Variants in MAN2A1 observed in about 807,000 individuals in gnomAD.
MAN2A1 encodes mannosidase alpha class 2A member 1.
In MAN2A1, 76 loss-of-function variants were observed where a neutral mutation model predicts 142.6. That is an observed-to-expected ratio of 0.53 (90% CI 0.44 to 0.65). The LOEUF is 0.65. MAN2A1 is among the 30% of genes least tolerant of loss of function. The pLI, the probability that MAN2A1 is intolerant of heterozygous loss-of-function variation, is 0.00. For missense variants in MAN2A1, 1,311 were observed against 1,365.1 expected, an observed-to-expected ratio of 0.96 and a Z score of 0.62; for synonymous variants, 559 against 473.2, an observed-to-expected ratio of 1.18 and a Z score of -2.35.
intron 18 of MAN2A1, among the ~76,000 whole-genome samples, chr5:109,846,620 A>G (rs1755350588): frequency 6.6e-6 from 1 of 152,200 alleles, no homozygotes; most frequent in Non-Finnish European, 1.5e-5. Flanking sequence ...TTAATTGGTT[A>G]TCATACATGG....
intron 3 of MAN2A1, among the ~76,000 whole-genome samples, chr5:109,726,127 G>T (rs1026918699): frequency 1.3e-5 from 2 of 152,030 alleles, no homozygotes; most frequent in African/African-American, 4.8e-5. Context: ...CCAACAGAAA[G>T]AAAAAAAGCT....
chr5:109,698,962 T>C (rs1328687396), intron 1 of MAN2A1, among the ~76,000 whole-genome samples: 2 of 152,182 alleles, frequency 1.3e-5, no homozygotes, highest in East Asian at 3.8e-4. Flanking sequence ...CATATACCTC[T>C]GTTTTGATTT....
Position 109,845,912 on chromosome 5 carries a change from C to G in MAN2A1, c.2748C>G (p.Val916=), listed in dbSNP as rs1580312277. 1 of 1,613,708 alleles carries G rather than the reference C, an allele frequency of 6.2e-7. No homozygotes were observed. Among genetic ancestry groups the G allele is most frequent in the Non-Finnish European group, 8.5e-7 (1 of 1,179,706 alleles). ...TLSKLPLQAN[V]YPMTTMAYIQ... ...GCAAATTGCCTCTTCAAGCAAATGTCTATCCCATGACCACAATGGCCTATA... is the reference window on the plus strand; with the variant it reads ...GCAAATTGCCTCTTCAAGCAAATGTGTATCCCATGACCACAATGGCCTATA... Residue 916 remains valine, a synonymous_variant, in exon 18 of 22, where the codon GTC becomes GTG. Transcript: ENST00000261483.
chr5:109,785,718 C>A (rs1753579101), intron 10 of MAN2A1, among the ~76,000 whole-genome samples: 1 of 152,006 alleles, frequency 6.6e-6, no homozygotes, highest in Admixed American at 6.6e-5. Context: ...AGGATCAGTG[C>A]AGGGGGCATT....
intron 10 of MAN2A1, among the ~76,000 whole-genome samples, chr5:109,788,249 C>A (rs1234783179): frequency 1.3e-5 from 2 of 149,656 alleles, no homozygotes; most frequent in Non-Finnish European, 3.0e-5. Context: ...CAAGCAAGTT[C>A]TTTTTCCATG....
At chr5:109,715,974 A>G (rs1751441199) in intron 2 of MAN2A1, 146 bp from the exon 3 acceptor site, 2 of 487,812 alleles carry the variant, frequency 4.1e-6, no homozygotes, top group East Asian at 3.4e-5. Flanking sequence ...AATATTTTCT[A>G]CTCTAAACTC....
At chr5:109,837,091 T>A (rs1486388581) in intron 16 of MAN2A1, among the ~76,000 whole-genome samples, 1 of 148,110 alleles carries the variant, frequency 6.8e-6, no homozygotes, top group African/African-American at 2.5e-5. Flanking sequence ...TGTCTTCCCA[T>A]TTTTTTGTTC....
intron 16 of MAN2A1, among the ~76,000 whole-genome samples, chr5:109,838,486 T>C (rs769411167): frequency 3.9e-5 from 6 of 152,206 alleles, no homozygotes; most frequent in Non-Finnish European, 8.8e-5. Context: ...CACTGGATAC[T>C]GCTGGTTTGC....
At position 109,710,733 on chromosome 5, in the gene MAN2A1, G is replaced by A. The variant is rs76172508; in HGVS notation, c.136-2787G>A. Among the ~76,000 whole-genome samples the A allele has an allele frequency of 5.5e-4, 83 of 151,184 alleles. No individual in the cohort carries two copies. The East Asian group carries it at 0.013, about 24-fold the overall frequency. Reference sequence around the variant, plus strand: ...GAGACCAAGTTTCGCTCTTGTTGCCGAGCCTGGGGTGCAATGGTGCGATCT... The same window carrying A: ...GAGACCAAGTTTCGCTCTTGTTGCCAAGCCTGGGGTGCAATGGTGCGATCT... On this transcript the variant is annotated intron_variant, in intron 1 of 21. Coordinates refer to ENST00000261483, the MANE Select transcript of MAN2A1 (RefSeq NM_002372.4).
At chr5:109,861,649 GAGATATGAT>G (rs1351059278) in intron 20 of MAN2A1, among the ~76,000 whole-genome samples, 2 of 152,188 alleles carry the variant, frequency 1.3e-5, no homozygotes, top group Admixed American at 1.3e-4. Context: ...AACTGACCTA[GAGATATGAT>G]AGATAACTGT....
intron 3 of MAN2A1, among the ~76,000 whole-genome samples, chr5:109,722,106 T>C (rs1751620626): frequency 6.6e-6 from 1 of 152,210 alleles, no homozygotes; most frequent in Non-Finnish European, 1.5e-5. Context: ...TATTGCGTTT[T>C]TTGGATAATT....
At chr5:109,847,915 A>T in intron 19 of MAN2A1, 125 bp downstream of exon 19, 1 of 581,994 alleles carries the variant, frequency 1.7e-6, no homozygotes, top group East Asian at 3.5e-5. Flanking sequence ...TTTATAGTAG[A>T]TGTGGCCCAC....
chr5:109,844,252 A>G (rs1258044656), intron 17 of MAN2A1, among the ~76,000 whole-genome samples: 1 of 152,250 alleles, frequency 6.6e-6, no homozygotes, highest in Non-Finnish European at 1.5e-5. Context: ...TAAAAAAGAA[A>G]ATATTACTTT....
Position 109,745,992 on chromosome 5 carries a change from T to A in MAN2A1, c.708-9337T>A, listed in dbSNP as rs866533755. 1.4e-4 allele frequency among the ~76,000 whole-genome samples: 22 copies of A among 152,362 alleles called. 1 individual carries two copies. Among genetic ancestry groups the A allele is most frequent in the Middle Eastern group, 3.4e-3 (1 of 294 alleles). On this transcript the variant is annotated intron_variant, in intron 4 of 21. Transcript: ENST00000261483. ...GTTACTTTTTTTTGTTTGTTTTGTT[T>A]TGAGACAGATCTTTACTCTGTTGCC...
chr5:109,762,411 A>G (rs140245879), intron 5 of MAN2A1, among the ~76,000 whole-genome samples: 32 of 152,288 alleles, frequency 2.1e-4, no homozygotes, highest in Admixed American at 9.2e-4. Flanking sequence ...GGAGTTGGCA[A>G]CAGGTGCATG....
intron 12 of MAN2A1, among the ~76,000 whole-genome samples, chr5:109,807,570 G>C (rs1754199761): frequency 6.6e-6 from 1 of 151,980 alleles, no homozygotes; most frequent in Non-Finnish European, 1.5e-5. Context: ...CCCCTTCCTT[G>C]TATATCCCAT....
At chr5:109,786,509 G>A (rs1419021484) in intron 10 of MAN2A1, among the ~76,000 whole-genome samples, 1 of 151,942 alleles carries the variant, frequency 6.6e-6, no homozygotes, top group Non-Finnish European at 1.5e-5. Flanking sequence ...GTTGCTTTTA[G>A]CTTATAAAAA....
At chr5:109,698,504 G>A (rs1436756888) in intron 1 of MAN2A1, among the ~76,000 whole-genome samples, 1 of 147,424 alleles carries the variant, frequency 6.8e-6, no homozygotes, top group Non-Finnish European at 1.5e-5. Context: ...GTCTCATCGA[G>A]TAGTATTAAG....
intron 4 of MAN2A1, among the ~76,000 whole-genome samples, chr5:109,738,251 T>C (rs1438257228): frequency 1.5e-5 from 2 of 134,580 alleles, no homozygotes; most frequent in East Asian, 4.2e-4. Flanking sequence ...TTTTTTTTTT[T>C]CCATTCTTGC....
Sources: gnomAD v4.1 joint callset for allele counts (sites outside exome capture counted in the v4.1 genomes callset) on GRCh38, gnomAD v4.1.1 for gene constraint, MANE v1.5 for transcripts, NCBI Gene and HGNC (gene_info 2026-07-23, HGNC 2026-07-21) for gene names.